Variants in KDM4C observed in about 807,000 individuals in gnomAD.
The protein encoded by KDM4C is lysine-specific demethylase 4C.
In KDM4C, 81 loss-of-function variants were observed where a neutral mutation model predicts 129.3. The ratio of observed to expected loss-of-function variants is 0.63; its 90% confidence interval spans 0.52 to 0.75. KDM4C has a LOEUF of 0.75. KDM4C is among the 30% of genes least tolerant of loss of function. The pLI is 0.00. For synonymous variants in KDM4C, 573 were observed against 456.1 expected (o/e 1.26, Z -3.26); for missense variants, 1,457 against 1,304.0 (o/e 1.12, Z -1.81).
chr9:6,992,771 C>A (rs17446177), intron 12 of KDM4C, among the ~76,000 whole-genome samples: 8,063 of 152,260 alleles, frequency 0.053, 338 homozygotes, highest in Non-Finnish European at 0.072. Flanking sequence ...CTATTCTGCT[C>A]CTTTTGCACT....
chr9:7,162,669 T>G (rs1051880844), intron 19 of KDM4C, among the ~76,000 whole-genome samples: 10 of 152,152 alleles, frequency 6.6e-5, no homozygotes, highest in African/African-American at 2.4e-4. Flanking sequence ...AGGATTTATT[T>G]TGAGGGATTT....
At chr9:6,920,275 G>C (rs1356928736) in intron 8 of KDM4C, among the ~76,000 whole-genome samples, 5 of 152,070 alleles carry the variant, frequency 3.3e-5, no homozygotes, top group African/African-American at 1.2e-4. Flanking sequence ...GGGTCAGTCT[G>C]AAAAACAGTT....
At chr9:6,969,852 C>T (rs950423313) in intron 8 of KDM4C, among the ~76,000 whole-genome samples, 3 of 152,224 alleles carry the variant, frequency 2.0e-5, no homozygotes, top group African/African-American at 7.2e-5. Flanking sequence ...GGATGCAGGA[C>T]TACCTACTTG....
intron 8 of KDM4C, among the ~76,000 whole-genome samples, chr9:6,959,250 C>A (rs183936458): frequency 6.6e-6 from 1 of 152,172 alleles, no homozygotes; most frequent in Non-Finnish European, 1.5e-5. Flanking sequence ...ATGCTGGTCC[C>A]ACCATGTAGT....
intron 1 of KDM4C, among the ~76,000 whole-genome samples, chr9:6,724,528 G>GTTA (rs1294512963): frequency 6.6e-6 from 1 of 151,848 alleles, no homozygotes; most frequent in South Asian, 2.1e-4. Flanking sequence ...TATTATTATT[G>GTTA]TTATTATTAT....
chr9:6,814,445 A>T (rs919445418), intron 3 of KDM4C, among the ~76,000 whole-genome samples, 186 bp from the exon 4 acceptor site: 1 of 152,206 alleles, frequency 6.6e-6, no homozygotes, highest in African/African-American at 2.4e-5. Context: ...TTGAGTATTC[A>T]GCAATCTTAA....
chr9:6,958,963 G>C lies in KDM4C; in HGVS notation c.922-21962G>C, dbSNP rs144671972. Among the ~76,000 whole-genome samples, 357 of 152,212 alleles carry C rather than the reference G, an allele frequency of 2.3e-3. 2 individuals are homozygous for C. The highest frequency in any genetic ancestry group is 8.4e-3 in the African/African-American group (349 of 41,528). On this transcript the variant is annotated intron_variant, in intron 8 of 21. Coordinates refer to ENST00000381309, the MANE Select transcript of KDM4C (RefSeq NM_015061.6). ...ATGCCCAGCCTATGTGTAATGTTAT[G>C]ATAATATTATTAGAGCACAGATGAT...
intron 12 of KDM4C, among the ~76,000 whole-genome samples, chr9:6,998,091 G>A (rs1436857478): frequency 6.6e-6 from 1 of 152,180 alleles, no homozygotes; most frequent in African/African-American, 2.4e-5. Flanking sequence ...TCAGTCATCA[G>A]TTCAGCAAGT....
chr9:7,040,122 C>G (rs947942163), intron 15 of KDM4C, among the ~76,000 whole-genome samples: 25 of 152,012 alleles, frequency 1.6e-4, no homozygotes, highest in African/African-American at 5.6e-4. Flanking sequence ...CAAATAATAT[C>G]CTACTTCATG....
At chr9:6,998,334 T>C (rs903204071) in intron 12 of KDM4C, among the ~76,000 whole-genome samples, 13 of 152,246 alleles carry the variant, frequency 8.5e-5, no homozygotes, top group Non-Finnish European at 1.8e-4. Context: ...TCTTTCTTGG[T>C]GTTTAACCAT....
intron 4 of KDM4C, among the ~76,000 whole-genome samples, chr9:6,832,572 C>T (rs1177967507): frequency 6.8e-6 from 1 of 147,878 alleles, no homozygotes; most frequent in African/African-American, 2.5e-5. Context: ...ACTACAGGCG[C>T]CCGCCACCAT....
intron 17 of KDM4C, among the ~76,000 whole-genome samples, chr9:7,094,487 A>G (rs1836180749): frequency 6.6e-6 from 1 of 152,186 alleles, no homozygotes; most frequent in South Asian, 2.1e-4. Flanking sequence ...TATCTCATCT[A>G]GAAGACGAAT....
intron 19 of KDM4C, among the ~76,000 whole-genome samples, chr9:7,129,452 T>C (rs7041376): frequency 0.54 from 82,063 of 152,018 alleles, 22,537 homozygotes; most frequent in Middle Eastern, 0.64. Context: ...CTAGCTGGAG[T>C]TTCCCTTTAC....
chr9:7,142,182 TC>T (rs1841813182), intron 19 of KDM4C, among the ~76,000 whole-genome samples: 1 of 152,240 alleles, frequency 6.6e-6, no homozygotes, highest in African/African-American at 2.4e-5. Flanking sequence ...CGTCTCTTAA[TC>T]CTTAGCTCTC....
intron 12 of KDM4C, among the ~76,000 whole-genome samples, chr9:7,005,997 T>G (rs1821597662): frequency 1.3e-5 from 2 of 152,236 alleles, no homozygotes; most frequent in African/African-American, 4.8e-5. Context: ...GACTTTTTAC[T>G]TTACATAAAA....
chr9:6,828,151 T>C lies in KDM4C; in HGVS notation c.435+13406T>C, dbSNP rs1029622091. On this transcript the variant is annotated intron_variant, in intron 4 of 21. Coordinates refer to ENST00000381309, the MANE Select transcript of KDM4C (RefSeq NM_015061.6). ...AAATTCAGTCTGTCTCTGGAATAAG[T>C]TTCTTTTTTTTTTTGAGACGGAGCC... is the stretch of plus-strand genomic sequence containing the variant. Among the ~76,000 whole-genome samples the C allele has an allele frequency of 2.6e-5, 4 of 151,908 alleles. No individual in the cohort carries two copies. In the East Asian group the frequency reaches 5.8e-4, roughly 22 times the overall value.
intron 12 of KDM4C, among the ~76,000 whole-genome samples, chr9:7,004,278 A>G (rs953139591): frequency 6.6e-6 from 1 of 152,228 alleles, no homozygotes; most frequent in African/African-American, 2.4e-5. Context: ...TCTGGCAAAA[A>G]TCTGTTCTTA....
intron 15 of KDM4C, among the ~76,000 whole-genome samples, chr9:7,016,273 A>T (rs912843230): frequency 2.6e-5 from 4 of 151,408 alleles, no homozygotes; most frequent in Non-Finnish European, 5.9e-5. Context: ...GACTACAGGC[A>T]CCCGCCACCA....
intron 17 of KDM4C, among the ~76,000 whole-genome samples, chr9:7,060,293 T>A (rs1831444532): frequency 6.6e-6 from 1 of 151,624 alleles, no homozygotes; most frequent in Non-Finnish European, 1.5e-5. Context: ...ACTGTCTGTG[T>A]ACCTTGTTAC....
Sources: gnomAD v4.1 joint callset for allele counts (sites outside exome capture counted in the v4.1 genomes callset) on GRCh38, gnomAD v4.1.1 for gene constraint, MANE v1.5 for transcripts, NCBI Gene and HGNC (gene_info 2026-07-23, HGNC 2026-07-21) for gene names.